The following ITGB5 variants were observed in gnomAD, a reference collection of about 807,000 sequenced individuals.
ITGB5 encodes the protein integrin subunit beta 5.
A neutral mutation model predicts 84.8 loss-of-function variants in ITGB5; 38 were observed. That is an observed-to-expected ratio of 0.45 (90% CI 0.35 to 0.59). The LOEUF (loss-of-function observed/expected upper bound fraction) is 0.59. ITGB5 is among the 20% of genes least tolerant of loss of function. The pLI, the probability that ITGB5 is intolerant of heterozygous loss-of-function variation, is 0.01. For missense variants in ITGB5, 905 were observed against 1,034.5 expected, an observed-to-expected ratio of 0.87 and a Z score of 1.72; for synonymous variants, 393 against 414.4, an observed-to-expected ratio of 0.95 and a Z score of 0.63.
intron 4 of ITGB5, among the ~76,000 whole-genome samples, chr3:124,844,075 C>T (rs2065044747): frequency 6.6e-6 from 1 of 151,866 alleles, no homozygotes; most frequent in African/African-American, 2.4e-5. Flanking sequence ...ACATATACAA[C>T]TGCTGGATAA....
intron 5 of ITGB5, among the ~76,000 whole-genome samples, chr3:124,828,390 A>G (rs1189902961): frequency 6.6e-6 from 1 of 152,230 alleles, no homozygotes; most frequent in Non-Finnish European, 1.5e-5. Context: ...TGAATCTCAA[A>G]ATAACTGCTA....
intron 1 of ITGB5, among the ~76,000 whole-genome samples, chr3:124,884,334 G>C (rs2107653812): frequency 6.6e-6 from 1 of 152,294 alleles, no homozygotes; most frequent in African/African-American, 2.4e-5. Flanking sequence ...GGCCCTAAGA[G>C]GTAAGCAGCA....
At chr3:124,844,714 T>A (rs917327888) in intron 4 of ITGB5, among the ~76,000 whole-genome samples, 2 of 152,174 alleles carry the variant, frequency 1.3e-5, no homozygotes, top group Non-Finnish European at 2.9e-5. Flanking sequence ...AATAGGGCTG[T>A]CTGCATAAAG....
intron 10 of ITGB5, among the ~76,000 whole-genome samples, chr3:124,794,598 TG>T (rs2064193649): frequency 6.6e-6 from 1 of 151,422 alleles, no homozygotes; most frequent in Non-Finnish European, 1.5e-5. Context: ...CTGGCCAACA[TG>T]GGGAAACCCC....
intron 3 of ITGB5, among the ~76,000 whole-genome samples, chr3:124,850,508 G>A (rs550799539): frequency 7.5e-6 from 1 of 133,384 alleles, no homozygotes; most frequent in East Asian, 2.2e-4. Flanking sequence ...TGGAGTTTGA[G>A]TTGCCTATTG....
intron 1 of ITGB5, among the ~76,000 whole-genome samples, chr3:124,900,125 A>G (rs1433214361): frequency 1.3e-5 from 2 of 152,108 alleles, no homozygotes; most frequent in Non-Finnish European, 2.9e-5. Flanking sequence ...TATATGTCAC[A>G]TTGTTCCTAC....
intron 10 of ITGB5, among the ~76,000 whole-genome samples, chr3:124,786,200 T>C (rs1403817880): frequency 1.3e-5 from 2 of 152,204 alleles, no homozygotes; most frequent in Non-Finnish European, 2.9e-5. Flanking sequence ...ACGAGCCTGT[T>C]TGTTTCCAAG....
At chr3:124,821,942 T>C (rs2064711571) in intron 5 of ITGB5, among the ~76,000 whole-genome samples, 2 of 152,234 alleles carry the variant, frequency 1.3e-5, no homozygotes, top group African/African-American at 2.4e-5. Context: ...CCATTAGACC[T>C]GAGTCAATCA....
intron 10 of ITGB5, among the ~76,000 whole-genome samples, chr3:124,783,255 C>T (rs1423939674): frequency 1.4e-5 from 2 of 139,332 alleles, no homozygotes; most frequent in African/African-American, 2.7e-5. Flanking sequence ...TGCACCACTG[C>T]ACTCCACCCT....
intron 11 of ITGB5, among the ~76,000 whole-genome samples, chr3:124,772,687 T>G (rs1436455824): frequency 9.4e-6 from 1 of 106,204 alleles, no homozygotes; most frequent in African/African-American, 3.3e-5. Context: ...TCATTTGCAC[T>G]CTGGTGGAGC....
Position 124,859,415 on chromosome 3 carries a change from CGA to C in ITGB5, c.186_187del (p.Arg63ValfsTer2). On this transcript the variant is annotated frameshift_variant, in exon 3 of 15. Coordinates refer to ENST00000296181, the MANE Select transcript of ITGB5 (RefSeq NM_002213.5). LOFTEE classifies it high-confidence loss of function. ...GACAAGGTTTGCCCTCAGATCACAC[CGA>C]GAGGTGATGGACCGTGGGCTTCCGA... 1 of 1,614,092 alleles carries C rather than the reference CGA, an allele frequency of 6.2e-7. No individual in the cohort carries two copies. The highest frequency in any genetic ancestry group is 8.5e-7 in the Non-Finnish European group (1 of 1,180,016).
In ITGB5 at chr3:124,796,382, A is replaced by G. The variant is rs762435068; in HGVS notation, c.1693+6T>C. 76 of 1,596,712 alleles carry G rather than the reference A, an allele frequency of 4.8e-5. 1 individual carries two copies. In the East Asian group the frequency reaches 1.5e-3, roughly 32 times the overall value. ...CAGAGCTAAAGTGCTTGCTGGGGAC[A>G]CTTACCTGAGCAGAGGACTCCCTTG... On this transcript the variant is annotated splice_donor_region_variant and intron_variant, in intron 10 of 14. Transcript: ENST00000296181.
intron 10 of ITGB5, among the ~76,000 whole-genome samples, chr3:124,785,078 C>A (rs1296419242): frequency 3.3e-5 from 5 of 152,148 alleles, no homozygotes; most frequent in Non-Finnish European, 7.3e-5. Context: ...AGAAGAGCAG[C>A]CCCCTAGGGT....
At chr3:124,774,858 T>C (rs2063901003) in intron 10 of ITGB5, among the ~76,000 whole-genome samples, 1 of 152,214 alleles carries the variant, frequency 6.6e-6, no homozygotes, top group African/African-American at 2.4e-5. Context: ...AGAAATGGGA[T>C]GAATCCGCAC....
chr3:124,893,605 C>A (rs1935043475), intron 1 of ITGB5, among the ~76,000 whole-genome samples: 1 of 152,004 alleles, frequency 6.6e-6, no homozygotes, highest in African/African-American at 2.4e-5. Flanking sequence ...AAAAATGACA[C>A]CTAGATGATG....
chr3:124,884,017 T>C (rs1934693148), intron 1 of ITGB5, among the ~76,000 whole-genome samples: 1 of 151,892 alleles, frequency 6.6e-6, no homozygotes, highest in Non-Finnish European at 1.5e-5. Flanking sequence ...GAAAGTGGGG[T>C]TAGAGCAACA....
intron 12 of ITGB5, among the ~76,000 whole-genome samples, chr3:124,767,288 G>T (rs2063780884): frequency 6.6e-6 from 1 of 152,242 alleles, no homozygotes; most frequent in Admixed American, 6.5e-5. Context: ...TAACCTGGAA[G>T]CAGATGAATT....
At chr3:124,794,465 G>A (rs543515304) in intron 10 of ITGB5, among the ~76,000 whole-genome samples, 2 of 152,246 alleles carry the variant, frequency 1.3e-5, no homozygotes. Flanking sequence ...CAGCTCAAGA[G>A]TATACTGTGA....
Position 124,817,627 on chromosome 3 carries a change from T to G in ITGB5, c.1122A>C (p.Ala374=), listed in dbSNP as rs2064625326. 1 of 1,517,082 alleles carries G rather than the reference T, an allele frequency of 6.6e-7. No individual in the cohort carries two copies. Among genetic ancestry groups the G allele is most frequent in the Non-Finnish European group, 9.1e-7 (1 of 1,103,838 alleles). The allele number at this position is 1,517,082 out of a possible 1,614,324, so 94.0% of individuals were successfully genotyped here. A position where few individuals can be genotyped will look rare whatever the true frequency, so the allele number is the denominator to read the frequency against. ...GAAGAAACTGATGACTTACATTGTA[T>G]GCATTAATAATCAGTTGAATAATAT... ...SKNIIQLIIN[A]YNSIRSKVEL... The change falls in exon 8 of 15, where the codon GCA becomes GCC. Residue 374 remains alanine (A), a synonymous_variant. Coordinates refer to ENST00000296181, the MANE Select transcript of ITGB5 (RefSeq NM_002213.5).
Sources: allele counts gnomAD v4.1 joint callset (sites outside exome capture counted in the v4.1 genomes callset), GRCh38; gene constraint gnomAD v4.1.1; transcripts MANE v1.5; gene names NCBI Gene and HGNC (gene_info 2026-07-23, HGNC 2026-07-21).